HDAC8: variants seen among roughly 807,000 people sequenced by gnomAD.
HDAC8 encodes the protein histone deacetylase 8, also known as histone deacetylase-like 1.
A neutral mutation model predicts 32.2 loss-of-function variants in HDAC8; 1 was observed. The ratio of observed to expected loss-of-function variants is 0.03; its 90% CI spans 0.01 to 0.15. The LOEUF (loss-of-function observed/expected upper bound fraction) is 0.15. Among genes scored for constraint, HDAC8 ranks in the 10% least tolerant of loss-of-function variants. The pLI, the probability that HDAC8 is intolerant of heterozygous loss-of-function variation, is 1.00. For synonymous variants in HDAC8, 108 were observed against 113.9 expected, an observed-to-expected ratio of 0.95 and a Z score of 0.33; for missense variants, 117 against 300.0, an observed-to-expected ratio of 0.39 and a Z score of 4.51.
chrX:72,441,240 GGTCCCTGACC>G (rs1471927181), intron 9 of HDAC8, among the ~76,000 whole-genome samples: 4 of 112,769 alleles, frequency 3.5e-5, no homozygotes, highest in African/African-American at 1.3e-4. Flanking sequence ...TCCTCAAGTG[GGTCCCTGACC>G]CCTGACACCC....
intron 9 of HDAC8, among the ~76,000 whole-genome samples, chrX:72,454,032 A>G (rs1465509563): frequency 8.9e-6 from 1 of 112,391 alleles, no homozygotes; most frequent in African/African-American, 3.2e-5. Flanking sequence ...CTACGGTATA[A>G]GAAAAATGAA....
intron 4 of HDAC8, among the ~76,000 whole-genome samples, chrX:72,553,554 G>C (rs1556081061): frequency 1.8e-5 from 2 of 111,607 alleles, no homozygotes; most frequent in South Asian, 3.8e-4. Context: ...AAGAGTAATA[G>C]ATGTTATCAA....
rs368664512 is a variant in HDAC8, at chrX:72,415,312, A to G, written c.1005+46692T>C. 4.5e-5 allele frequency among the ~76,000 whole-genome samples: 5 copies of G among 112,167 alleles called. No individual in the cohort carries two copies. In the East Asian group the frequency reaches 8.4e-4, roughly 19 times the overall value. On this transcript the variant is annotated intron_variant, in intron 9 of 10. Transcript: ENST00000373573. ...CTTTGATGTGTCTGTTTCTTTGCCA[A>G]TACCACACAGTTTTGATTACTGTAG...
In HDAC8 at chrX:72,385,454, C is replaced by A. The variant is rs182552029; in HGVS notation, c.1006-33616G>T. On this transcript the variant is annotated intron_variant, in intron 9 of 10. Transcript: ENST00000373573. ...ACCCCAGCCTGTCTGCAGAGTAAGA[C>A]CTCATCTCAAAACCAAAACCAAAAC... Among the ~76,000 whole-genome samples, 3 of 110,120 alleles carry A rather than the reference C, an allele frequency of 2.7e-5. No individual in the cohort carries two copies. The East Asian group carries it at 8.5e-4, about 31-fold the overall frequency.
At chrX:72,370,024 C>A (rs1455728587) in intron 9 of HDAC8, among the ~76,000 whole-genome samples, 1 of 111,912 alleles carries the variant, frequency 8.9e-6, no homozygotes, top group East Asian at 2.8e-4. Flanking sequence ...AGGTGACAGT[C>A]CCTCCACCCC....
intron 10 of HDAC8, among the ~76,000 whole-genome samples, chrX:72,347,053 C>T (rs997753674): frequency 9.0e-6 from 1 of 111,679 alleles, no homozygotes; most frequent in Non-Finnish European, 1.9e-5. Flanking sequence ...GCCTGTGTTC[C>T]AATGTCCACT....
At chrX:72,559,685 C>A (rs1328849101) in intron 4 of HDAC8, among the ~76,000 whole-genome samples, 1 of 109,388 alleles carries the variant, frequency 9.1e-6, no homozygotes, top group Non-Finnish European at 1.9e-5. Context: ...CCCCGCCACC[C>A]CGTCTGGGAT....
At chrX:72,437,647 T>G (rs1441883877) in intron 9 of HDAC8, among the ~76,000 whole-genome samples, 2 of 111,940 alleles carry the variant, frequency 1.8e-5, no homozygotes, top group African/African-American at 6.5e-5. Context: ...ATGCTTGAGC[T>G]TGGTGGGGTG....
chrX:72,519,065 C>T (rs2049897796), intron 4 of HDAC8, among the ~76,000 whole-genome samples: 1 of 112,637 alleles, frequency 8.9e-6, no homozygotes, highest in Admixed American at 9.4e-5. Flanking sequence ...TGTGGACATA[C>T]ATTTTCAAGT....
At chrX:72,435,000 G>A (rs2147959272) in intron 9 of HDAC8, among the ~76,000 whole-genome samples, 1 of 112,311 alleles carries the variant, frequency 8.9e-6, no homozygotes, top group Non-Finnish European at 1.9e-5. Flanking sequence ...TTACAAAAAT[G>A]TGTTTACATT....
Position 72,329,615 on chromosome X carries a change from C to G in HDAC8, c.*439G>C, listed in dbSNP as rs1357334751. ...CTCCCAGTCTGCTGATCAGTACCCT[C>G]TCTCCCAGGGCTCCACCTGGATGGT... On this transcript the variant is annotated 3_prime_UTR_variant, in exon 11 of 11. Coordinates refer to ENST00000373573, the MANE Select transcript of HDAC8 (RefSeq NM_018486.3). The G allele has an allele frequency of 3.4e-5, 39 of 1,149,646 alleles. No homozygotes were observed. The Middle Eastern group carries it at 7.0e-4, about 21-fold the overall frequency. The allele number at this position is 1,149,646 out of a possible 1,213,427, so 94.7% of individuals were successfully genotyped here.
chrX:72,559,490 A>G (rs2051427338), intron 4 of HDAC8, among the ~76,000 whole-genome samples: 1 of 108,870 alleles, frequency 9.2e-6, no homozygotes, highest in African/African-American at 3.4e-5. Flanking sequence ...CCCGGCCGCC[A>G]CCCCGTCTGG....
At position 72,329,647 on chromosome X, in the gene HDAC8, G is replaced by T; in HGVS notation, c.*407C>A. 8.5e-7 allele frequency: 1 copy of T among 1,179,560 alleles called. No homozygotes were observed. The highest frequency in any genetic ancestry group is 3.1e-5 in the East Asian group (1 of 32,085). ...AGGGCTCCACCTGGATGGTCCTGAG[G>T]CCCAAACCCTGCCTGTCAGCTGCCT... On this transcript the variant is annotated 3_prime_UTR_variant, in exon 11 of 11. Transcript: ENST00000373573.
intron 9 of HDAC8, among the ~76,000 whole-genome samples, chrX:72,393,743 T>C (rs901910895): frequency 2.7e-5 from 3 of 112,170 alleles, no homozygotes; most frequent in African/African-American, 9.7e-5. Context: ...TAGAGGCGTC[T>C]TTGTCTCTAC....
intron 4 of HDAC8, among the ~76,000 whole-genome samples, chrX:72,536,553 C>T (rs1556039444): frequency 8.9e-6 from 1 of 112,609 alleles, no homozygotes; most frequent in Non-Finnish European, 1.9e-5. Flanking sequence ...GCTTCGTGCA[C>T]ATCTGCTTCT....
At chrX:72,487,935 CAA>C (rs782170397) in intron 7 of HDAC8, among the ~76,000 whole-genome samples, 36 of 50,625 alleles carry the variant, frequency 7.1e-4, no homozygotes, top group East Asian at 1.2e-3. Context: ...TGGCAGGCTC[CAA>C]AAAAAAAAAA....
At chrX:72,525,380 G>A in intron 4 of HDAC8, among the ~76,000 whole-genome samples, 1 of 110,954 alleles carries the variant, frequency 9.0e-6, no homozygotes. Flanking sequence ...TGCCTTCTCT[G>A]CACCTCCCAC....
intron 9 of HDAC8, among the ~76,000 whole-genome samples, chrX:72,383,743 A>G (rs2045335021): frequency 9.2e-6 from 1 of 109,020 alleles, no homozygotes; most frequent in South Asian, 4.1e-4. Flanking sequence ...GGTGGCGGGC[A>G]CCTGTAGTTC....
chrX:72,489,747 C>A (rs1288976968), intron 6 of HDAC8, among the ~76,000 whole-genome samples: 2 of 110,980 alleles, frequency 1.8e-5, no homozygotes, highest in South Asian at 7.7e-4. Flanking sequence ...CCAAAATTGA[C>A]AAATGGGATC....
Sources: gnomAD v4.1 joint callset for allele counts (sites outside exome capture counted in the v4.1 genomes callset) on GRCh38, gnomAD v4.1.1 for gene constraint, MANE v1.5 for transcripts, NCBI Gene and HGNC (gene_info 2026-07-23, HGNC 2026-07-21) for gene names.